Variants in GABRG3 observed in about 807,000 individuals in gnomAD.
The protein encoded by GABRG3 is gamma-aminobutyric acid receptor subunit gamma-3.
GABRG3 carries 25 observed loss-of-function variants against 48.8 expected under a neutral mutation model. The ratio of observed to expected loss-of-function variants is 0.51; its 90% CI spans 0.37 to 0.72. The LOEUF (loss-of-function observed/expected upper bound fraction) is 0.72. Ranked by LOEUF, GABRG3 falls within the 30% of genes least tolerant of loss-of-function variation. The pLI, the probability that GABRG3 is intolerant of heterozygous loss-of-function variation, is 0.00. For synonymous variants in GABRG3, 227 were observed against 217.6 expected (o/e 1.04, Z -0.38); for missense variants, 394 against 577.9 (o/e 0.68, Z 3.26).
chr15:27,521,633 TTTAA>T (rs1366662128), intron 7 of GABRG3, among the ~76,000 whole-genome samples: 1 of 152,088 alleles, frequency 6.6e-6, no homozygotes, highest in East Asian at 1.9e-4. Context: ...ATAATATGAT[TTTAA>T]TTAATGAATA....
chr15:27,270,395 C>T (rs1891043515), intron 3 of GABRG3, among the ~76,000 whole-genome samples: 1 of 152,206 alleles, frequency 6.6e-6, no homozygotes, highest in African/African-American at 2.4e-5. Context: ...AACAGCTGGT[C>T]ATGTGGCCCT....
At chr15:27,100,713 A>C (rs1489274663) in intron 3 of GABRG3, among the ~76,000 whole-genome samples, 1 of 152,224 alleles carries the variant, frequency 6.6e-6, no homozygotes, top group Admixed American at 6.5e-5. Context: ...TACAGGCAAA[A>C]GAAAAAAAAT....
chr15:27,267,487 T>C (rs924766222), intron 3 of GABRG3, among the ~76,000 whole-genome samples: 1 of 151,880 alleles, frequency 6.6e-6, no homozygotes, highest in African/African-American at 2.4e-5. Context: ...TTGCCCAGGC[T>C]GGAGTGCAGT....
intron 5 of GABRG3, among the ~76,000 whole-genome samples, chr15:27,333,542 G>A (rs1390054714): frequency 2.6e-5 from 4 of 152,140 alleles, no homozygotes; most frequent in Admixed American, 2.6e-4. Flanking sequence ...TGATTAGGTT[G>A]GGCTCACCCA....
At chr15:27,039,381 C>T (rs1477008384) in intron 3 of GABRG3, among the ~76,000 whole-genome samples, 1 of 152,172 alleles carries the variant, frequency 6.6e-6, no homozygotes, top group Non-Finnish European at 1.5e-5. Flanking sequence ...CACTGGGCTT[C>T]CTGCACTGAA....
At chr15:27,522,585 G>A (rs1891184904) in intron 7 of GABRG3, among the ~76,000 whole-genome samples, 1 of 151,722 alleles carries the variant, frequency 6.6e-6, no homozygotes, top group Admixed American at 6.6e-5. Flanking sequence ...TTCCTATGTG[G>A]TATAAAAATG....
intron 3 of GABRG3, among the ~76,000 whole-genome samples, chr15:27,176,021 A>G (rs1010941726): frequency 2.2e-5 from 3 of 136,556 alleles, no homozygotes; most frequent in African/African-American, 8.1e-5. Flanking sequence ...TGTAAACAGT[A>G]TGCTGGGAAA....
intron 4 of GABRG3, among the ~76,000 whole-genome samples, chr15:27,328,198 A>T (rs1893685264): frequency 6.6e-6 from 1 of 152,158 alleles, no homozygotes; most frequent in Non-Finnish European, 1.5e-5. Context: ...AGTTTGTAGA[A>T]GTTGTCTCCT....
At chr15:27,190,905 C>T (rs1026651342) in intron 3 of GABRG3, among the ~76,000 whole-genome samples, 5 of 151,844 alleles carry the variant, frequency 3.3e-5, no homozygotes, top group Non-Finnish European at 7.4e-5. Flanking sequence ...TGAATGTGTC[C>T]CAGAGATTCT....
chr15:27,052,431 G>A (rs1010186517), intron 3 of GABRG3, among the ~76,000 whole-genome samples: 1 of 152,178 alleles, frequency 6.6e-6, no homozygotes, highest in African/African-American at 2.4e-5. Context: ...CATTCTGTGG[G>A]CCAATGTGGA....
At chr15:27,497,696 AT>A (rs1170509234) in intron 6 of GABRG3, among the ~76,000 whole-genome samples, 1 of 152,156 alleles carries the variant, frequency 6.6e-6, no homozygotes, top group Non-Finnish European at 1.5e-5. Context: ...TATGTATGAT[AT>A]TTTTTGATAT....
At chr15:27,036,268 G>A (rs533883316) in intron 3 of GABRG3, among the ~76,000 whole-genome samples, 3 of 152,296 alleles carry the variant, frequency 2.0e-5, no homozygotes, top group South Asian at 4.1e-4. Flanking sequence ...AGGAAGCTTC[G>A]ACATGAGAGC....
chr15:27,106,462 T>C (rs879489898), intron 3 of GABRG3, among the ~76,000 whole-genome samples: 2 of 151,030 alleles, frequency 1.3e-5, no homozygotes, highest in African/African-American at 4.9e-5. Context: ...AAAGAAGGAA[T>C]GAAGGAAAGA....
At chr15:27,479,752 A>T (rs984375518) in intron 5 of GABRG3, among the ~76,000 whole-genome samples, 1 of 152,222 alleles carries the variant, frequency 6.6e-6, no homozygotes, top group Non-Finnish European at 1.5e-5. Flanking sequence ...TGCCAATGAC[A>T]TAAGGCCTAG....
chr15:27,070,246 G>T (rs1413911946), intron 3 of GABRG3, among the ~76,000 whole-genome samples: 1 of 152,212 alleles, frequency 6.6e-6, no homozygotes, highest in African/African-American at 2.4e-5. Context: ...TATACAAAGA[G>T]ACAGATAATC....
intron 5 of GABRG3, among the ~76,000 whole-genome samples, chr15:27,388,906 T>G (rs1193118375): frequency 6.6e-6 from 1 of 152,032 alleles, no homozygotes; most frequent in African/African-American, 2.4e-5. Flanking sequence ...ACCTGAATTT[T>G]TCCTCGCCTT....
chr15:27,216,780 T>TTATTTTTTAA (rs1481125275), intron 3 of GABRG3, among the ~76,000 whole-genome samples: 1 of 48,532 alleles, frequency 2.1e-5, no homozygotes, highest in African/African-American at 5.7e-5. Flanking sequence ...ATTTTTTAAT[T>TTATTTTTTAA]TTTTTTTTTA....
intron 3 of GABRG3, among the ~76,000 whole-genome samples, chr15:27,317,961 G>A (rs963562197): frequency 2.2e-4 from 33 of 152,122 alleles, no homozygotes; most frequent in East Asian, 9.6e-4. Context: ...GTGGAATCCC[G>A]AGTTTTTGCC....
At chr15:27,354,808 A>C (rs751622171) in intron 5 of GABRG3, among the ~76,000 whole-genome samples, 2 of 152,242 alleles carry the variant, frequency 1.3e-5, no homozygotes, top group Non-Finnish European at 2.9e-5. Flanking sequence ...GAAGAGTCTC[A>C]TTAACTAGAC....
Sources: allele counts gnomAD v4.1 joint callset (sites outside exome capture counted in the v4.1 genomes callset), GRCh38; gene constraint gnomAD v4.1.1; transcripts MANE v1.5; gene names NCBI Gene and HGNC (gene_info 2026-07-23, HGNC 2026-07-21).